The following FAM13A variants were observed in gnomAD, a reference collection of about 807,000 sequenced individuals.
FAM13A encodes the protein protein FAM13A.
In FAM13A, 76 loss-of-function variants were observed where a neutral mutation model predicts 129.6. The observed-to-expected ratio is 0.59, with a 90% CI of 0.49 to 0.71. The LOEUF is 0.71. Among genes scored for constraint, FAM13A ranks in the 30% least tolerant of loss-of-function variants. The pLI is 0.00. For missense variants in FAM13A, 1,108 were observed against 1,249.3 expected (o/e 0.89, Z 1.70); for synonymous variants, 443 against 449.9 (o/e 0.98, Z 0.20).
chr4:88,829,775 T>C lies in FAM13A; in HGVS notation c.1007+21245A>G, dbSNP rs116276996. 6.8e-3 allele frequency among the ~76,000 whole-genome samples: 1,032 copies of C among 152,200 alleles called. 11 individuals carry two copies. Among genetic ancestry groups the C allele is most frequent in the African/African-American group, 0.024 (997 of 41,534 alleles). On this transcript the variant is annotated intron_variant, in intron 7 of 23. Coordinates refer to ENST00000264344, the MANE Select transcript of FAM13A (RefSeq NM_014883.4). ...GTGTAGGTAAAGCAGCAAGTATTTATTGTGAATTTATGCTGAGCTCATTTT... is the reference window on the plus strand; with the variant it reads ...GTGTAGGTAAAGCAGCAAGTATTTACTGTGAATTTATGCTGAGCTCATTTT...
intron 1 of FAM13A, among the ~76,000 whole-genome samples, chr4:89,043,913 A>ACAAT (rs543162448): frequency 2.5e-4 from 38 of 152,076 alleles, no homozygotes; most frequent in South Asian, 1.5e-3. Context: ...TCTACAAAAT[A>ACAAT]CAATCAATCA....
intron 12 of FAM13A, 50 bp from the exon 13 acceptor site, chr4:88,767,645 ATAACGTTTT>A: frequency 7.0e-7 from 1 of 1,435,884 alleles, no homozygotes. Context: ...TACTTGTTTT[ATAACGTTTT>A]TCATCCACTG....
chr4:89,045,955 C>T (rs556483796), intron 1 of FAM13A, among the ~76,000 whole-genome samples: 159 of 146,924 alleles, frequency 1.1e-3, no homozygotes, highest in African/African-American at 3.9e-3. Flanking sequence ...ACCTGGGAGG[C>T]GGAGGTTGCA....
chr4:88,836,330 T>C (rs927017272), intron 7 of FAM13A, among the ~76,000 whole-genome samples: 3 of 152,230 alleles, frequency 2.0e-5, no homozygotes, highest in Non-Finnish European at 4.4e-5. Context: ...TCTATGACAT[T>C]TCTAGTCCTT....
rs186289452 is a variant in FAM13A at position 88,814,488 on chromosome 4, G to C, written c.1008-9436C>G. On this transcript the variant is annotated intron_variant, in intron 7 of 23. Transcript: ENST00000264344. The stretch of plus-strand genomic sequence containing the variant: ...GAGGGAGTTCAGCACCAGGGGCGCA[G>C]CAGTGACCTGCCAGAAAGCTGACAC... Among the ~76,000 whole-genome samples the C allele has an allele frequency of 5.3e-5, 8 of 152,312 alleles. No individual in the cohort carries two copies. In the East Asian group the frequency reaches 1.4e-3, roughly 26 times the overall value.
intron 11 of FAM13A, among the ~76,000 whole-genome samples, chr4:88,772,514 C>T (rs78450462): frequency 0.02 from 2,972 of 152,214 alleles, 83 homozygotes; most frequent in African/African-American, 0.068. Flanking sequence ...CAATGGGATG[C>T]GAGAAGTGAT....
intron 6 of FAM13A, among the ~76,000 whole-genome samples, chr4:88,859,371 G>A (rs1453438720): frequency 6.6e-6 from 1 of 152,168 alleles, no homozygotes; most frequent in Admixed American, 6.5e-5. Context: ...GCACACAGGA[G>A]AGGAGCTGAT....
intron 10 of FAM13A, among the ~76,000 whole-genome samples, chr4:88,785,836 T>C (rs566357772): frequency 6.6e-6 from 1 of 152,292 alleles, no homozygotes; most frequent in Admixed American, 6.5e-5. Flanking sequence ...GACACGATTG[T>C]ATCATAGTGT....
intron 7 of FAM13A, among the ~76,000 whole-genome samples, chr4:88,831,313 C>T (rs1288038336): frequency 2.0e-5 from 3 of 152,188 alleles, no homozygotes. Context: ...GATCAGCTGC[C>T]TTAAATTGTC....
intron 3 of FAM13A, among the ~76,000 whole-genome samples, chr4:89,019,650 A>G (rs145485996): frequency 0.015 from 2,288 of 151,452 alleles, 64 homozygotes; most frequent in African/African-American, 0.052. Flanking sequence ...AATCCCAGCT[A>G]CTCAGGAGGC....
In FAM13A at chr4:88,989,243, A is replaced by G. The variant is rs570765273; in HGVS notation, c.605+1730T>C. 4.6e-5 allele frequency among the ~76,000 whole-genome samples: 7 copies of G among 152,152 alleles called. No individual in the cohort carries two copies. In the East Asian group the frequency reaches 1.4e-3, roughly 29 times the overall value. On this transcript the variant is annotated intron_variant, in intron 4 of 23. Transcript: ENST00000264344. Reference sequence around the variant, plus strand: ...AACAAACAAACAAAAAGCTACATTAAACGACTGATCTATTAGGTAAATGGA... The same window carrying G: ...AACAAACAAACAAAAAGCTACATTAGACGACTGATCTATTAGGTAAATGGA...
chr4:88,871,813 C>G (rs1741446944), intron 6 of FAM13A, among the ~76,000 whole-genome samples: 2 of 151,986 alleles, frequency 1.3e-5, no homozygotes, highest in African/African-American at 4.8e-5. Context: ...AGATACTCCT[C>G]AAGAAAAGCA....
At chr4:88,728,855 C>T in intron 23 of FAM13A, 196 bp from the exon 24 acceptor site, 1 of 539,348 alleles carries the variant, frequency 1.9e-6, no homozygotes. Context: ...CAGAAGGCAA[C>T]ATGCAACTGA....
rs893247748 is a variant in FAM13A, at chr4:88,822,832, G to T, written c.1008-17780C>A. 1.4e-4 allele frequency: 159 copies of T among 1,136,108 alleles called. No homozygotes were observed. In the Middle Eastern group the frequency reaches 2.8e-3, roughly 20 times the overall value. 70.4% of individuals were successfully genotyped at this position (1,136,108 alleles called of 1,614,324 possible). A position where few individuals can be genotyped will look rare whatever the true frequency, so the allele number is the denominator to read the frequency against. On this transcript the variant is annotated intron_variant, in intron 7 of 23. Transcript: ENST00000264344. ...AGCAGTATAATATTTAATTTTTTCT[G>T]TTCTTAGGGAGGAACCATATGTACA...
At chr4:88,896,847 T>C (rs1021671314) in intron 6 of FAM13A, among the ~76,000 whole-genome samples, 1 of 152,244 alleles carries the variant, frequency 6.6e-6, no homozygotes, top group African/African-American at 2.4e-5. Flanking sequence ...TTGTATCCCC[T>C]GATAAAAGTC....
intron 14 of FAM13A, among the ~76,000 whole-genome samples, chr4:88,756,205 C>G (rs1289808715): frequency 6.6e-6 from 1 of 152,108 alleles, no homozygotes; most frequent in Non-Finnish European, 1.5e-5. Flanking sequence ...AATAAAACAG[C>G]TATGTATATT....
chr4:88,789,190 T>C (rs1439612942), intron 9 of FAM13A, among the ~76,000 whole-genome samples: 2 of 152,144 alleles, frequency 1.3e-5, no homozygotes, highest in African/African-American at 2.4e-5. Flanking sequence ...CCTGCACTTT[T>C]TCCAAGCTAT....
intron 4 of FAM13A, among the ~76,000 whole-genome samples, chr4:88,987,986 G>T (rs1297325743): frequency 6.6e-6 from 1 of 151,992 alleles, no homozygotes. Context: ...ACAGGATGAT[G>T]TCTGTTTTCT....
Position 88,909,720 on chromosome 4 carries a change from T to C in FAM13A, c.760-3258A>G, listed in dbSNP as rs542300188. Among the ~76,000 whole-genome samples, 5 of 152,126 alleles carry C rather than the reference T, an allele frequency of 3.3e-5. No homozygotes were observed. In the South Asian group the frequency reaches 8.3e-4, roughly 25 times the overall value. ...CAGGATGGTCTCTATCTCTTGACCT[T>C]GTGATCCGCCCACCCTGGCCTCCCA... On this transcript the variant is annotated intron_variant, in intron 5 of 23. Transcript: ENST00000264344.
Sources: allele counts gnomAD v4.1 joint callset (sites outside exome capture counted in the v4.1 genomes callset), GRCh38; gene constraint gnomAD v4.1.1; transcripts MANE v1.5; gene names NCBI Gene and HGNC (gene_info 2026-07-23, HGNC 2026-07-21).